KMT2A: variants seen among roughly 807,000 people sequenced by gnomAD.
The protein encoded by KMT2A is lysine methyltransferase 2A.
KMT2A carries 16 observed loss-of-function variants against 345.3 expected under a neutral mutation model. That is an observed-to-expected ratio of 0.05 (90% CI 0.03 to 0.07). The LOEUF is 0.07. KMT2A is among the 10% of genes least tolerant of loss of function. KMT2A has a pLI of 1.00. For synonymous variants in KMT2A, 1,599 were observed against 1,778.6 expected (o/e 0.90, Z 2.54); for missense variants, 3,272 against 4,841.6 (o/e 0.68, Z 9.62).
chr11:118,460,793 A>C (rs906420041), intron 1 of KMT2A, among the ~76,000 whole-genome samples: 1 of 152,096 alleles, frequency 6.6e-6, no homozygotes, highest in Admixed American at 6.6e-5. Context: ...CAGCCTCCCA[A>C]ATAGTTGGGA....
chr11:118,473,561 A>G lies in KMT2A; in HGVS notation c.2402A>G (p.His801Arg). The G allele has an allele frequency of 1.2e-6, 2 of 1,613,972 alleles. No individual in the cohort carries two copies. Among genetic ancestry groups the G allele is most frequent in the East Asian group, 2.2e-5 (1 of 44,870 alleles). ...AACCCAACTTTTACTTTTCCTTCTC[A>G]TTCCCTGACTCAGTCTGGGGAATCT... ...ALNPTFTFPSHSLTQSGESAE... is the reference protein window; with the variant it reads ...ALNPTFTFPSRSLTQSGESAE... The change falls in exon 3 of 36, where the codon CAT becomes CGT. Residue 801 changes from histidine (H) to arginine (R), a missense_variant. Physicochemically the swap from His to Arg is conservative, Grantham distance 29. This residue lies in a region of KMT2A where 209 missense variants were observed against 237.4 expected (regional missense o/e 0.88). Coordinates refer to ENST00000534358, the MANE Select transcript of KMT2A (RefSeq NM_001197104.2). This position sits in a 1 kb window ranked among gnomAD's most constrained non-coding sequence, Gnocchi z 5.2.
intron 6 of KMT2A, among the ~76,000 whole-genome samples, chr11:118,480,724 A>G (rs143123487): frequency 1.3e-5 from 2 of 152,230 alleles, no homozygotes; most frequent in East Asian, 1.9e-4. Flanking sequence ...GTGCAGTAGC[A>G]TGATTATGAC....
intron 3 of KMT2A, among the ~76,000 whole-genome samples, chr11:118,475,355 A>T (rs141123090): frequency 1.3e-5 from 2 of 152,358 alleles, no homozygotes; most frequent in Non-Finnish European, 2.9e-5. Flanking sequence ...GTTTTAAAAA[A>T]ATCGTCATGT....
chr11:118,449,585 C>CAA (rs532991008), intron 1 of KMT2A: 135 of 67,524 alleles, frequency 2.0e-3, no homozygotes, highest in Middle Eastern at 7.8e-3. Context: ...GACTCCATCT[C>CAA]AAAAAAAAAA....
Position 118,504,885 on chromosome 11 carries a change from T to G in KMT2A, c.8993T>G (p.Ile2998Ser), listed in dbSNP as rs1302395657. 9 of 1,614,170 alleles carry G rather than the reference T, an allele frequency of 5.6e-6. No homozygotes were observed. The highest frequency in any genetic ancestry group is 7.6e-6 in the Non-Finnish European group (9 of 1,180,022). Residue 2998 changes from isoleucine to serine, a missense_variant, in exon 27 of 36, where the codon ATC (isoleucine) becomes AGC (serine). By Grantham distance (142) the Ile-to-Ser change is moderately radical (BLOSUM62 -2). Coordinates refer to ENST00000534358, the MANE Select transcript of KMT2A (RefSeq NM_001197104.2). The surrounding 1 kb of genome is among the most constrained non-coding windows in gnomAD (Gnocchi z 6.4). ...GGCCACATGACTCCTGATCATTTTA[T>G]CCAAGGACACATGGATGCAGACCAC... is the stretch of plus-strand genomic sequence containing the variant. ...PEGHMTPDHFIQGHMDADHIS... is the reference protein window; with the variant it reads ...PEGHMTPDHFSQGHMDADHIS...
chr11:118,480,032 A>C (rs1179935921), intron 5 of KMT2A, 142 bp from the exon 6 acceptor site: 2 of 640,904 alleles, frequency 3.1e-6, no homozygotes, highest in African/African-American at 1.8e-5. Context: ...ATTTAATCTG[A>C]GTAATGAGCA....
At chr11:118,450,260 G>C (rs1949508276) in intron 1 of KMT2A, 1 of 152,052 alleles carries the variant, frequency 6.6e-6, no homozygotes, top group African/African-American at 2.4e-5. Context: ...ACATTGCCAG[G>C]AATCAGAATA....
rs1331325545 is a variant in KMT2A, at chr11:118,495,424, T to C, written c.5364-276T>C. On this transcript the variant is annotated intron_variant, in intron 18 of 35. Transcript: ENST00000534358. The surrounding 1 kb of genome is among the most constrained non-coding windows in gnomAD (Gnocchi z 4.1). ...GCCTGCCTCACCCTCCCAAAAGTGC[T>C]GGGATTACAGGCATGAGCCACCATG... Among the ~76,000 whole-genome samples, 1 of 152,214 alleles carries C rather than the reference T, an allele frequency of 6.6e-6. No homozygotes were observed. Among genetic ancestry groups the C allele is most frequent in the Non-Finnish European group, 1.5e-5 (1 of 68,032 alleles).
Position 118,501,762 on chromosome 11 carries a change from GTTA to G in KMT2A, c.6415_6417del (p.Tyr2139del). 1 of 1,614,046 alleles carries G rather than the reference GTTA, an allele frequency of 6.2e-7. No individual in the cohort carries two copies. Among genetic ancestry groups the G allele is most frequent in the Middle Eastern group, 1.6e-4 (1 of 6,062 alleles). On this transcript the variant is annotated inframe_deletion, in exon 26 of 36. Coordinates refer to ENST00000534358, the MANE Select transcript of KMT2A (RefSeq NM_001197104.2). ...CCTCATTCACAAACCTCTGGCTCCT[GTTA>G]TTATCATGTCATCTCAAAGGTCCCC...
intron 31 of KMT2A, among the ~76,000 whole-genome samples, chr11:118,518,940 G>C (rs536259110): frequency 1.4e-5 from 2 of 147,140 alleles, no homozygotes; most frequent in Non-Finnish European, 3.0e-5. Flanking sequence ...TTAGCCAGGC[G>C]TGGTGGCGGC....
chr11:118,515,407 A>G (rs1376231140), intron 31 of KMT2A, among the ~76,000 whole-genome samples: 1 of 152,200 alleles, frequency 6.6e-6, no homozygotes, highest in Non-Finnish European at 1.5e-5. Flanking sequence ...GAGATAATTT[A>G]TCATCTTATA....
chr11:118,473,442 G>C lies in KMT2A; in HGVS notation c.2283G>C (p.Arg761Ser), dbSNP rs782659759. 6.2e-7 allele frequency: 1 copy of C among 1,614,158 alleles called. No individual in the cohort carries two copies. The change falls in exon 3 of 36, where the codon AGG becomes AGC. Residue 761 changes from arginine (R) to serine (S), a missense_variant. This residue lies in a region of KMT2A where 209 missense variants were observed against 237.4 expected (regional missense o/e 0.88). Coordinates refer to ENST00000534358, the MANE Select transcript of KMT2A (RefSeq NM_001197104.2). The surrounding 1 kb of genome is among the most constrained non-coding windows in gnomAD (Gnocchi z 5.2). The stretch of plus-strand genomic sequence containing the variant: ...ACTCCATGAGGACAAGAAGTGGAAG[G>C]CTTAGTAGTTCTGAGCTCTCACCTC... ...PSHSMRTRSG[R>S]LSSSELSPLT...
At chr11:118,489,626 A>G (rs1184647789) in intron 11 of KMT2A, among the ~76,000 whole-genome samples, 166 bp from the exon 12 acceptor site, 3 of 152,236 alleles carry the variant, frequency 2.0e-5, no homozygotes, top group African/African-American at 7.2e-5. Flanking sequence ...CAGGAAATAA[A>G]TCTATCTCAA....
At chr11:118,500,758 C>G (rs1293977006) in intron 24 of KMT2A, 2 of 371,800 alleles carry the variant, frequency 5.4e-6, no homozygotes, top group Non-Finnish European at 9.7e-6. Context: ...GCTTATGGTA[C>G]AAGAAAAAAA....
At chr11:118,514,415 T>C (rs1431193189) in intron 31 of KMT2A, among the ~76,000 whole-genome samples, 3 of 151,538 alleles carry the variant, frequency 2.0e-5, no homozygotes, top group Non-Finnish European at 4.4e-5. Flanking sequence ...CTACACTATT[T>C]ACTGTTCCAG....
At chr11:118,516,113 C>T (rs944763701) in intron 31 of KMT2A, among the ~76,000 whole-genome samples, 7 of 152,130 alleles carry the variant, frequency 4.6e-5, no homozygotes, top group African/African-American at 1.7e-4. Flanking sequence ...AAAACCTGTC[C>T]ATTATACTCC....
Position 118,503,462 on chromosome 11 carries a change from A to G in KMT2A, c.7570A>G (p.Lys2524Glu). ...ACAGGCACCACGGAAACGCACAGTC[A>G]AAGTGACACTGACACCTCTAAAAAT... is the stretch of plus-strand genomic sequence containing the variant. ...ELQAPRKRTVKVTLTPLKMEN... is the reference protein window; with the variant it reads ...ELQAPRKRTVEVTLTPLKMEN... The change falls in exon 27 of 36, where the codon AAA (lysine) becomes GAA (glutamate). Residue 2524 changes from lysine to glutamate, a missense_variant. Around this residue, in one of 27 missense-constraint regions of KMT2A, gnomAD observed 445 missense variants for 500.9 expected, o/e 0.89. Coordinates refer to ENST00000534358, the MANE Select transcript of KMT2A (RefSeq NM_001197104.2). This position sits in a 1 kb window ranked among gnomAD's most constrained non-coding sequence, Gnocchi z 5.3. 6.2e-7 allele frequency: 1 copy of G among 1,614,216 alleles called. No individual in the cohort carries two copies. The highest frequency in any genetic ancestry group is 8.5e-7 in the Non-Finnish European group (1 of 1,180,026).
chr11:118,475,101 C>G (rs1189345422), intron 3 of KMT2A, among the ~76,000 whole-genome samples: 1 of 152,112 alleles, frequency 6.6e-6, no homozygotes, highest in Non-Finnish European at 1.5e-5. Flanking sequence ...CCACTGCACT[C>G]CAGCCTGGGC....
intron 10 of KMT2A, 108 bp from the exon 11 acceptor site, chr11:118,488,506 A>G (rs1555041538): frequency 9.6e-7 from 1 of 1,043,996 alleles, no homozygotes; most frequent in Non-Finnish European, 1.5e-6. Flanking sequence ...TGAATTAAAT[A>G]TATGCCAGTG....
Sources: allele counts gnomAD v4.1 joint callset (sites outside exome capture counted in the v4.1 genomes callset), GRCh38; gene constraint gnomAD v4.1.1; regional missense constraint gnomAD v4.1.1; non-coding constraint Gnocchi (gnomAD v3.1); transcripts MANE v1.5; gene names NCBI Gene and HGNC (gene_info 2026-07-23, HGNC 2026-07-21).